MYH16: variants seen among roughly 807,000 people sequenced by gnomAD.
MYH16 encodes myosin heavy chain 16.
chr7:99,281,349 G>A, intron 23 of MYH16, among the ~76,000 whole-genome samples: 1 of 151,850 alleles, frequency 6.6e-6, no homozygotes, highest in East Asian at 1.9e-4. Context: ...TTCAGTTTAG[G>A]AGTTTGAGAC....
intron 9 of MYH16, among the ~76,000 whole-genome samples, chr7:99,256,275 CAAAAAAA>C (rs55894638): frequency 1.3e-4 from 9 of 71,036 alleles, no homozygotes; most frequent in Non-Finnish European, 2.4e-4. Flanking sequence ...CCCGTCTCTG[CAAAAAAA>C]AAAAAAAAAA....
At chr7:99,262,201 G>T (rs1235161277) in intron 13 of MYH16, among the ~76,000 whole-genome samples, 2 of 152,180 alleles carry the variant, frequency 1.3e-5, no homozygotes, top group Non-Finnish European at 2.9e-5. Flanking sequence ...AATGCATTTT[G>T]TTTCCTTGGG....
intron 26 of MYH16, among the ~76,000 whole-genome samples, 157 bp from the exon 9 acceptor site, chr7:99,285,225 C>T (rs528653465): frequency 1.1e-4 from 16 of 152,338 alleles, no homozygotes; most frequent in South Asian, 4.1e-4. Context: ...CTGCCTGCCC[C>T]GGCACCTTTG....
At chr7:99,268,223 T>C (rs1562777935) in intron 18 of MYH16, among the ~76,000 whole-genome samples, 1 of 152,218 alleles carries the variant, frequency 6.6e-6, no homozygotes, top group Non-Finnish European at 1.5e-5. Flanking sequence ...AATAGCTAGA[T>C]TGACTTGCGG....
chr7:99,277,242 T>C (rs1390110084), intron 20 of MYH16, among the ~76,000 whole-genome samples: 1 of 152,134 alleles, frequency 6.6e-6, no homozygotes. Context: ...ATGTAAGCCT[T>C]GGGTCACCCA....
At chr7:99,270,538 C>T (rs1045034132) in intron 18 of MYH16, among the ~76,000 whole-genome samples, 113 of 151,426 alleles carry the variant, frequency 7.5e-4, no homozygotes, top group African/African-American at 2.6e-3. Context: ...AGGATGGTCT[C>T]GATCTCCTGA....
chr7:99,296,626 G>T (rs985974962), intron 33 of MYH16, 75 bp from the exon 15 acceptor site: 4 of 438,418 alleles, frequency 9.1e-6, no homozygotes, highest in Non-Finnish European at 1.8e-5. Flanking sequence ...GGGAAGAGAG[G>T]TTGGTGGGGG....
chr7:99,295,378 A>G (rs1363910764), intron 33 of MYH16, among the ~76,000 whole-genome samples: 1 of 120,706 alleles, frequency 8.3e-6, no homozygotes. Flanking sequence ...CTCTGGCTCC[A>G]AAAAAAAAAG....
At chr7:99,242,629 T>C (rs1791679467) in intron 1 of MYH16, among the ~76,000 whole-genome samples, 1 of 152,054 alleles carries the variant, frequency 6.6e-6, no homozygotes, top group Non-Finnish European at 1.5e-5. Flanking sequence ...CAGAGCAAGA[T>C]TATGTCTCAA....
At chr7:99,293,061 G>A (rs1473929186) in intron 32 of MYH16, among the ~76,000 whole-genome samples, 1 of 152,138 alleles carries the variant, frequency 6.6e-6, no homozygotes, top group South Asian at 2.1e-4. Flanking sequence ...GGCTGGCCTG[G>A]GTGTCCCTGG....
At chr7:99,260,466 T>A (rs1352307853) in intron 12 of MYH16, 1 of 466,010 alleles carries the variant, frequency 2.1e-6, no homozygotes, top group East Asian at 4.3e-5. Context: ...GTATGACCTC[T>A]AGCTCCCTAT....
intron 2 of MYH16, among the ~76,000 whole-genome samples, chr7:99,246,941 C>T (rs549056875): frequency 6.6e-5 from 10 of 152,098 alleles, no homozygotes; most frequent in Middle Eastern, 3.4e-3. Context: ...ATGCACTCCT[C>T]GATTTATGAT....
At chr7:99,294,298 C>T (rs187714625) in intron 33 of MYH16, 148 bp downstream of exon 14, 75 of 326,464 alleles carry the variant, frequency 2.3e-4, no homozygotes, top group African/African-American at 1.5e-3. Context: ...CAGGAGCTTG[C>T]TGGACAACGG....
At chr7:99,287,299 G>C (rs952459202) in intron 28 of MYH16, among the ~76,000 whole-genome samples, 1 of 152,112 alleles carries the variant, frequency 6.6e-6, no homozygotes, top group Non-Finnish European at 1.5e-5. Flanking sequence ...TTGGGAGGCT[G>C]AGGTGGGTGG....
At chr7:99,256,626 TTA>T (rs1791875837) in intron 9 of MYH16, among the ~76,000 whole-genome samples, 1 of 151,974 alleles carries the variant, frequency 6.6e-6, no homozygotes, top group Non-Finnish European at 1.5e-5. Context: ...ATACAAAAAA[TTA>T]GCCAGGCATG....
intron 37 of MYH16, among the ~76,000 whole-genome samples, chr7:99,300,563 G>A (rs996544006): frequency 7.9e-5 from 12 of 152,168 alleles, no homozygotes; most frequent in Non-Finnish European, 1.6e-4. Flanking sequence ...AGCTACTCAG[G>A]AGGCTGAAGA....
rs115098166 is a variant in MYH16, at chr7:99,284,289, G to A, written n.3225+271G>A. Among the ~76,000 whole-genome samples, 759 of 152,238 alleles carry A rather than the reference G, an allele frequency of 5.0e-3. 3 individuals carry two copies. Among genetic ancestry groups the A allele is most frequent in the African/African-American group, 0.017 (710 of 41,544 alleles). On this transcript the variant is annotated intron_variant and non_coding_transcript_variant, in intron 25 of 41. Transcript: ENST00000439784. ...TGAGGACTCAGCAGGGCAGGGAGGC[G>A]TCATAAAAGCCTATGACCATGTTGG...
At chr7:99,251,397 G>A (rs1302354422) in intron 6 of MYH16, among the ~76,000 whole-genome samples, 2 of 152,164 alleles carry the variant, frequency 1.3e-5, no homozygotes, top group Non-Finnish European at 2.9e-5. Flanking sequence ...AATCCCTCGT[G>A]GAATTCAGCT....
In MYH16 at chr7:99,294,426, G is replaced by T. The variant is rs564787645; in HGVS notation, n.4282+276G>T. ...CCATGCCTCTAATCCCAACACACTGGGTGGCCAAGGCAGGAGGACCACTTT... is the reference window on the plus strand; with the variant it reads ...CCATGCCTCTAATCCCAACACACTGTGTGGCCAAGGCAGGAGGACCACTTT... On this transcript the variant is annotated intron_variant and non_coding_transcript_variant, in intron 33 of 41. Coordinates refer to ENST00000439784, the Ensembl canonical transcript of MYH16. 1.2e-4 allele frequency among the ~76,000 whole-genome samples: 18 copies of T among 149,008 alleles called. No homozygotes were observed. In the South Asian group the frequency reaches 2.3e-3, roughly 19 times the overall value.
Sources: gnomAD v4.1 joint callset for allele counts (sites outside exome capture counted in the v4.1 genomes callset) on GRCh38, gnomAD v4.1.1 for gene constraint, MANE v1.5 for transcripts, NCBI Gene and HGNC (gene_info 2026-07-23, HGNC 2026-07-21) for gene names.